Variants in BRDT observed in about 807,000 individuals in gnomAD.
BRDT encodes bromodomain testis-specific protein.
Under a neutral mutation model 113.9 loss-of-function variants are expected in BRDT, and 77 were observed. That is an observed-to-expected ratio of 0.68 (90% CI 0.56 to 0.82). BRDT has a LOEUF of 0.82. BRDT is among the 40% of genes least tolerant of loss of function. BRDT has a pLI of 0.00. For synonymous variants in BRDT, 358 were observed against 366.5 expected (o/e 0.98, Z 0.26); for missense variants, 1,027 against 1,105.4 (o/e 0.93, Z 1.01).
intron 18 of BRDT, among the ~76,000 whole-genome samples, chr1:92,010,731 G>C (rs1428033577): frequency 6.6e-6 from 1 of 152,020 alleles, no homozygotes; most frequent in East Asian, 1.9e-4. Context: ...TGAGATTTGG[G>C]TTTATTAAAA....
chr1:91,955,015 A>C (rs1171454614), intron 1 of BRDT, among the ~76,000 whole-genome samples: 1 of 152,132 alleles, frequency 6.6e-6, no homozygotes, highest in Non-Finnish European at 1.5e-5. Context: ...TGCAGATTAT[A>C]GTTGCCAGTA....
chr1:91,978,896 G>T (rs1684414287), intron 7 of BRDT, among the ~76,000 whole-genome samples: 1 of 150,252 alleles, frequency 6.7e-6, no homozygotes, highest in African/African-American at 2.4e-5. Flanking sequence ...TGCTGGGGGC[G>T]CTGAGACAGG....
chr1:91,977,081 T>A lies in BRDT; in HGVS notation c.657T>A (p.Thr219=). 6.2e-7 allele frequency: 1 copy of A among 1,611,772 alleles called. No individual in the cohort carries two copies. The highest frequency in any genetic ancestry group is 8.5e-7 in the Non-Finnish European group (1 of 1,179,072). Residue 219 remains threonine (T), a synonymous_variant, in exon 6 of 19, where the codon ACT becomes ACA. Transcript: ENST00000399546. ...KGVKRKADTT[T]PATSAVKASS... ...TGAAGAGGAAAGCAGATACAACAAC[T>A]CCTGCAACTTCAGCAGTTAAAGCAA...
intron 1 of BRDT, among the ~76,000 whole-genome samples, chr1:91,960,649 G>C (rs1386593064): frequency 1.3e-5 from 2 of 152,162 alleles, no homozygotes; most frequent in African/African-American, 4.8e-5. Context: ...TAACACTGCT[G>C]AACTGTACAC....
At position 91,977,303 on chromosome 1, in the gene BRDT, G is replaced by A. The variant is rs1684244546; in HGVS notation, c.879G>A (p.Trp293Ter). The change falls in exon 6 of 19, where the codon TGG becomes TGA. Residue 293 changes from tryptophan (W) to a stop codon, truncating the protein, a stop_gained. Transcript: ENST00000399546. LOFTEE classifies it high-confidence loss of function. ...CAAAGAAACATTTTTCATATGCATGGCCCTTTTATAATCCTGTTGACGTTA... is the reference window on the plus strand; with the variant it reads ...CAAAGAAACATTTTTCATATGCATGACCCTTTTATAATCCTGTTGACGTTA... ...MLAKKHFSYAWPFYNPVDVNA... is the reference protein window; with the variant it reads ...MLAKKHFSYA The A allele has an allele frequency of 6.2e-7, 1 of 1,613,864 alleles. No homozygotes were observed. Among genetic ancestry groups the A allele is most frequent in the Non-Finnish European group, 8.5e-7 (1 of 1,179,972 alleles).
At chr1:91,967,245 T>A (rs1164146085) in intron 3 of BRDT, among the ~76,000 whole-genome samples, 1 of 152,148 alleles carries the variant, frequency 6.6e-6, no homozygotes, top group Admixed American at 6.5e-5. Context: ...ATTCTCTTTT[T>A]TTTTTTTAAG....
intron 2 of BRDT, 57 bp downstream of exon 2, chr1:91,963,003 G>C (rs1181723740): frequency 7.4e-7 from 1 of 1,356,486 alleles, no homozygotes; most frequent in African/African-American, 1.5e-5. Context: ...GTAAATTTCT[G>C]TAAGACATAA....
At chr1:92,001,943 C>G in intron 15 of BRDT, 106 bp from the exon 16 acceptor site, 1 of 704,086 alleles carries the variant, frequency 1.4e-6, no homozygotes, top group Non-Finnish European at 2.3e-6. Flanking sequence ...AAAAATTAGT[C>G]TCTTTGTTTT....
intron 18 of BRDT, among the ~76,000 whole-genome samples, chr1:92,009,399 A>G (rs976284013): frequency 1.3e-5 from 2 of 152,118 alleles, no homozygotes; most frequent in East Asian, 1.9e-4. Context: ...CTATCACAAT[A>G]GGTCATTTCT....
At chr1:91,957,990 C>T (rs965851907) in intron 1 of BRDT, among the ~76,000 whole-genome samples, 1 of 152,068 alleles carries the variant, frequency 6.6e-6, no homozygotes, top group African/African-American at 2.4e-5. Flanking sequence ...TGGCAATGTG[C>T]CACATTGCCT....
At chr1:91,972,065 A>C (rs1683685956) in intron 4 of BRDT, among the ~76,000 whole-genome samples, 1 of 150,666 alleles carries the variant, frequency 6.6e-6, no homozygotes, top group African/African-American at 2.4e-5. Context: ...CTTAGCACAA[A>C]TTCTAGCTTT....
chr1:92,014,132 T>C (rs1688025570), intron 18 of BRDT, 74 bp from the exon 19 acceptor site: 8 of 941,592 alleles, frequency 8.5e-6, no homozygotes, highest in African/African-American at 1.7e-5. Flanking sequence ...AAATGTTGCA[T>C]AATCATTATT....
intron 3 of BRDT, among the ~76,000 whole-genome samples, chr1:91,965,626 G>T (rs747174241): frequency 1.3e-5 from 2 of 152,016 alleles, no homozygotes; most frequent in Non-Finnish European, 1.5e-5. Flanking sequence ...GAGGCGGGAG[G>T]ATCATGAGGT....
chr1:91,953,975 T>A (rs1380375891), intron 1 of BRDT, among the ~76,000 whole-genome samples: 1 of 151,570 alleles, frequency 6.6e-6, no homozygotes, highest in Non-Finnish European at 1.5e-5. Context: ...TTTTGTTTGT[T>A]TTGTTTTGTT....
At chr1:91,976,826 G>T (rs1450786261) in intron 5 of BRDT, among the ~76,000 whole-genome samples, 2 of 152,010 alleles carry the variant, frequency 1.3e-5, no homozygotes, top group Non-Finnish European at 2.9e-5. Context: ...ACATTCTTTG[G>T]TATGTGGGAA....
At position 91,964,356 on chromosome 1, in the gene BRDT, C is replaced by T. The variant is rs142935362; in HGVS notation, c.193-271C>T. 2.4e-4 allele frequency among the ~76,000 whole-genome samples: 36 copies of T among 152,214 alleles called. 1 individual carries two copies. In the East Asian group the frequency reaches 3.9e-3, roughly 16 times the overall value. On this transcript the variant is annotated intron_variant, in intron 2 of 18. Transcript: ENST00000399546. Reference sequence around the variant, plus strand: ...GATTACAGGCGTGAGCCACCATGCCCGGCCAATTTTCTGTATTTTTATTAG... The same window carrying T: ...GATTACAGGCGTGAGCCACCATGCCTGGCCAATTTTCTGTATTTTTATTAG...
chr1:91,956,887 C>T (rs2101518977), intron 1 of BRDT, among the ~76,000 whole-genome samples: 3 of 152,210 alleles, frequency 2.0e-5, no homozygotes, highest in East Asian at 1.9e-4. Flanking sequence ...TGCAGTGAGC[C>T]ATGATTGAGC....
Position 91,964,728 on chromosome 1 carries a change from C to A in BRDT, c.294C>A (p.Phe98Leu), listed in dbSNP as rs879020404. The change falls in exon 3 of 19, where the codon TTC becomes TTA. Residue 98 changes from phenylalanine (F) to leucine (L), a missense_variant. Coordinates refer to ENST00000399546, the MANE Select transcript of BRDT (RefSeq NM_207189.4). ...YAKASECIED[F>L]NTMFSNCYLY... The stretch of plus-strand genomic sequence containing the variant: ...AGGCTTCAGAATGTATAGAAGACTT[C>A]AATACAATGTTCTCAAATTGTTATT... The A allele has an allele frequency of 3.4e-6, 5 of 1,489,190 alleles. No homozygotes were observed. In the South Asian group the frequency reaches 7.1e-5, roughly 21 times the overall value. The allele number at this position is 1,489,190 out of a possible 1,614,324, so 92.2% of individuals were successfully genotyped here.
chr1:91,969,783 T>A (rs1683427954), intron 4 of BRDT, among the ~76,000 whole-genome samples: 1 of 151,842 alleles, frequency 6.6e-6, no homozygotes, highest in African/African-American at 2.4e-5. Context: ...GCAACTTAAC[T>A]TTCAAGTGTT....
Sources: gnomAD v4.1 joint callset for allele counts (sites outside exome capture counted in the v4.1 genomes callset) on GRCh38, gnomAD v4.1.1 for gene constraint, MANE v1.5 for transcripts, NCBI Gene and HGNC (gene_info 2026-07-23, HGNC 2026-07-21) for gene names.